Variants in ADGRV1 observed in about 807,000 individuals in gnomAD.
The protein encoded by ADGRV1 is G-protein coupled receptor 98.
A neutral mutation model predicts 596.2 loss-of-function variants in ADGRV1; 359 were observed. The ratio of observed to expected loss-of-function variants is 0.60; its 90% CI spans 0.55 to 0.66. The LOEUF (loss-of-function observed/expected upper bound fraction) is 0.66. ADGRV1 is among the 30% of genes least tolerant of loss of function. The probability of loss-of-function intolerance (pLI) is 0.00; values close to 1 mark genes in which losing one functional copy is unlikely to be tolerated. For missense variants in ADGRV1, 7,274 were observed against 7,575.6 expected, an observed-to-expected ratio of 0.96 and a Z score of 1.48; for synonymous variants, 2,681 against 2,679.2, an observed-to-expected ratio of 1.00 and a Z score of -0.02.
intron 78 of ADGRV1, among the ~76,000 whole-genome samples, chr5:90,841,881 A>G (rs943587239): frequency 2.0e-5 from 3 of 152,230 alleles, no homozygotes; most frequent in Non-Finnish European, 4.4e-5. Context: ...AAAGAAAATT[A>G]TAAAGTACAG....
intron 85 of ADGRV1, among the ~76,000 whole-genome samples, chr5:91,013,106 A>G (rs572506916): frequency 6.6e-5 from 10 of 152,056 alleles, no homozygotes; most frequent in African/African-American, 2.4e-4. Context: ...TATGTATCAC[A>G]TTTTCTTTAT....
chr5:90,893,551 CTT>C (rs1485784930), intron 83 of ADGRV1, among the ~76,000 whole-genome samples: 1 of 152,140 alleles, frequency 6.6e-6, no homozygotes, highest in African/African-American at 2.4e-5. Context: ...TTTTAAGACT[CTT>C]GTGTAATCAG....
chr5:90,562,565 C>T (rs981611440), intron 1 of ADGRV1, among the ~76,000 whole-genome samples: 6 of 152,202 alleles, frequency 3.9e-5, no homozygotes. Flanking sequence ...CCTCCCCGAG[C>T]TGCTGGGCAG....
At chr5:90,620,521 CA>C (rs1480988932) in intron 4 of ADGRV1, among the ~76,000 whole-genome samples, 1 of 152,080 alleles carries the variant, frequency 6.6e-6, no homozygotes, top group Non-Finnish European at 1.5e-5. Flanking sequence ...GAGTAGATTG[CA>C]AAACTTTTCT....
chr5:90,934,668 G>A (rs977538686), intron 83 of ADGRV1, among the ~76,000 whole-genome samples: 2 of 152,224 alleles, frequency 1.3e-5, no homozygotes, highest in African/African-American at 4.8e-5. Context: ...CTTCAGAGGT[G>A]TTTTGTTTTT....
intron 84 of ADGRV1, among the ~76,000 whole-genome samples, chr5:90,982,785 G>A (rs1167362983): frequency 6.6e-6 from 1 of 152,182 alleles, no homozygotes; most frequent in Non-Finnish European, 1.5e-5. Context: ...GCTGTGGCCA[G>A]GGGAGCAATG....
Position 90,703,752 on chromosome 5 carries a change from A to G in ADGRV1, c.8243A>G (p.Glu2748Gly), listed in dbSNP as rs777647615. Residue 2748 changes from glutamate to glycine, a missense_variant, in exon 35 of 90, where the codon GAA becomes GGA. Physicochemically the swap from Glu to Gly is moderately conservative, Grantham distance 98 (BLOSUM62 -2). Around this residue, in one of 5 missense-constraint regions of ADGRV1, gnomAD observed 3,643 missense variants for 3,809.2 expected, o/e 0.96. Transcript: ENST00000405460. Reference protein sequence around the residue: ...VNWKIIGQNLELNFANFSGQL... With the variant: ...VNWKIIGQNLGLNFANFSGQL... ...TGGAAAATTATTGGGCAAAATCTAG[A>G]ACTCAATTTTGCTAACTTTAGCGGA... The G allele has an allele frequency of 1.1e-5, 17 of 1,604,190 alleles. No individual in the cohort carries two copies. The South Asian group carries it at 1.7e-4, about 16-fold the overall frequency.
intron 83 of ADGRV1, among the ~76,000 whole-genome samples, chr5:90,952,515 G>A (rs911466963): frequency 6.6e-6 from 1 of 152,096 alleles, no homozygotes; most frequent in Non-Finnish European, 1.5e-5. Context: ...TTGACATCTG[G>A]AGCATTCTGG....
chr5:91,112,113 A>G (rs1792425507), intron 87 of ADGRV1, among the ~76,000 whole-genome samples: 1 of 152,226 alleles, frequency 6.6e-6, no homozygotes, highest in Non-Finnish European at 1.5e-5. Context: ...TTGACCAGGC[A>G]TAGTTCTTTA....
At chr5:91,101,765 T>C (rs1332617458) in intron 86 of ADGRV1, among the ~76,000 whole-genome samples, 1 of 147,458 alleles carries the variant, frequency 6.8e-6, no homozygotes. Flanking sequence ...TACAGGTTTT[T>C]CCAACACACA....
intron 81 of ADGRV1, among the ~76,000 whole-genome samples, chr5:90,855,062 AG>A (rs1286379407): frequency 1.3e-5 from 2 of 152,220 alleles, no homozygotes; most frequent in Non-Finnish European, 2.9e-5. Flanking sequence ...AGGAAGTTTT[AG>A]GTCCTTAAAA....
chr5:90,986,102 T>C (rs1360867403), intron 85 of ADGRV1, among the ~76,000 whole-genome samples: 1 of 140,336 alleles, frequency 7.1e-6, no homozygotes, highest in Non-Finnish European at 1.6e-5. Flanking sequence ...TATATATATA[T>C]ATATTATGCA....
intron 85 of ADGRV1, among the ~76,000 whole-genome samples, chr5:90,997,164 C>A (rs1036128161): frequency 6.6e-6 from 1 of 151,998 alleles, no homozygotes; most frequent in Non-Finnish European, 1.5e-5. Flanking sequence ...TGGGAGGGGA[C>A]AGTGGTAGTA....
chr5:90,853,674 G>T, intron 80 of ADGRV1, 141 bp downstream of exon 80: 1 of 745,698 alleles, frequency 1.3e-6, no homozygotes, highest in South Asian at 2.2e-5. Flanking sequence ...CCATCTTTAT[G>T]AACTATTTGT....
At chr5:91,157,575 C>T (rs1486557142) in intron 89 of ADGRV1, among the ~76,000 whole-genome samples, 1 of 152,010 alleles carries the variant, frequency 6.6e-6, no homozygotes, top group Non-Finnish European at 1.5e-5. Flanking sequence ...ATTCATTTTA[C>T]TCATATTTCT....
Position 90,823,426 on chromosome 5 carries a change from G to T in ADGRV1, c.16198G>T (p.Ala5400Ser). 6.2e-7 allele frequency: 1 copy of T among 1,613,548 alleles called. No homozygotes were observed. The highest frequency in any genetic ancestry group is 1.1e-5 in the South Asian group (1 of 90,898). The part of the protein sequence containing the change: ...HLIVTRQPNR[A>S]FEDVKVFWRV... ...CATTGGTGGGTTTCTTGCTCACAGG[G>T]CCTTTGAAGATGTCAAGGTCTTTTG... The change falls in exon 76 of 90, where the codon GCC (alanine) becomes TCC (serine). Residue 5400 changes from alanine to serine, a missense_variant and splice_region_variant. By Grantham distance (99) the Ala-to-Ser change is moderately conservative. Coordinates refer to ENST00000405460, the MANE Select transcript of ADGRV1 (RefSeq NM_032119.4).
intron 87 of ADGRV1, among the ~76,000 whole-genome samples, chr5:91,148,677 C>T (rs1795761853): frequency 6.6e-6 from 1 of 152,202 alleles, no homozygotes; most frequent in Non-Finnish European, 1.5e-5. Context: ...CACTGGGGCA[C>T]TGCCTCAGTG....
intron 55 of ADGRV1, among the ~76,000 whole-genome samples, chr5:90,755,741 T>C (rs1755761286): frequency 6.6e-6 from 1 of 150,568 alleles, no homozygotes; most frequent in South Asian, 2.1e-4. Flanking sequence ...ATTTTAATAG[T>C]GGATTAGTGT....
In ADGRV1 at chr5:90,558,905, T is replaced by C; in HGVS notation, c.10T>C (p.Phe4Leu). Residue 4 changes from phenylalanine to leucine, a missense_variant, in exon 1 of 90, where the codon TTC (phenylalanine) becomes CTC (leucine). Phe to Leu is a conservative substitution (Grantham distance 22, BLOSUM62 0). This residue lies in a region of ADGRV1 where 1,715 missense variants were observed against 1,708.8 expected (regional missense o/e 1.00). Transcript: ENST00000405460. ...CGCCGGGAGCGCGCGGATGTCGGTG[T>C]TCCTGGGGCCAGGTAGGCTATGGCT... MSV[F>L]LGPGMPSASL... 6.4e-7 allele frequency: 1 copy of C among 1,559,514 alleles called. No homozygotes were observed. The highest frequency in any genetic ancestry group is 8.7e-7 in the Non-Finnish European group (1 of 1,151,068).
Sources: gnomAD v4.1 joint callset for allele counts (sites outside exome capture counted in the v4.1 genomes callset) on GRCh38, gnomAD v4.1.1 for gene constraint, gnomAD v4.1.1 regional missense constraint, MANE v1.5 for transcripts, NCBI Gene and HGNC (gene_info 2026-07-23, HGNC 2026-07-21) for gene names.